Variants in HPS5 observed in about 807,000 individuals in gnomAD.
The protein encoded by HPS5 is HPS5 biogenesis of lysosomal organelles complex 2 subunit 2, also known as BLOC-2 complex member HPS5.
Under a neutral mutation model 128.0 loss-of-function variants are expected in HPS5, and 83 were observed. That is an observed-to-expected ratio of 0.65 (90% CI 0.54 to 0.78). HPS5 has a LOEUF of 0.78. Among genes scored for constraint, HPS5 ranks in the 30% least tolerant of loss-of-function variants. The pLI is 0.00. For synonymous variants in HPS5, 475 were observed against 470.2 expected (o/e 1.01, Z -0.13); for missense variants, 1,281 against 1,326.2 (o/e 0.97, Z 0.53).
intron 2 of HPS5, 114 bp downstream of exon 2, chr11:18,317,637 C>A: frequency 1.0e-6 from 1 of 977,370 alleles, no homozygotes; most frequent in Non-Finnish European, 1.6e-6. Context: ...AAAAGTATGA[C>A]TAGGACAGGT....
At chr11:18,280,535 G>A (rs1858752193) in intron 22 of HPS5, 1 of 697,590 alleles carries the variant, frequency 1.4e-6, no homozygotes, top group Non-Finnish European at 2.6e-6. Flanking sequence ...TCCACTTTCA[G>A]GTATATACCC....
At chr11:18,282,804 G>A (rs1281848481) in intron 21 of HPS5, among the ~76,000 whole-genome samples, 1 of 152,134 alleles carries the variant, frequency 6.6e-6, no homozygotes, top group Non-Finnish European at 1.5e-5. Context: ...TGGAAGATCT[G>A]AGAAGGGCTC....
intron 8 of HPS5, among the ~76,000 whole-genome samples, chr11:18,304,217 T>C (rs1862077956): frequency 7.1e-6 from 1 of 140,716 alleles, no homozygotes. Context: ...TATAATTCAC[T>C]TTTTTTTTTT....
rs546910287 is a variant in HPS5 at position 18,311,858 on chromosome 11, T to C, written c.219+56A>G. ...AAATGATTATTTATATTGGAGAAAT[T>C]TGCATTTATGAAAGAGACTCCAAAT... On this transcript the variant is annotated intron_variant, in intron 3 of 22. Coordinates refer to ENST00000349215, the MANE Select transcript of HPS5 (RefSeq NM_181507.2). 357 of 1,132,088 alleles carry C rather than the reference T, an allele frequency of 3.2e-4. 2 individuals carry two copies. The South Asian group carries it at 4.1e-3, about 13-fold the overall frequency. The allele number at this position is 1,132,088 out of a possible 1,614,324, so 70.1% of individuals were successfully genotyped here. A position where few individuals can be genotyped will look rare whatever the true frequency, so the allele number is the denominator to read the frequency against.
intron 21 of HPS5, 52 bp downstream of exon 21, chr11:18,283,743 G>C: frequency 7.6e-7 from 1 of 1,310,254 alleles, no homozygotes; most frequent in East Asian, 2.3e-5. Context: ...GAGAGGTCTG[G>C]AGTAACTTCT....
chr11:18,293,108 G>A lies in HPS5; in HGVS notation c.1785-132C>T, dbSNP rs571952580. On this transcript the variant is annotated intron_variant, in intron 14 of 22. Coordinates refer to ENST00000349215, the MANE Select transcript of HPS5 (RefSeq NM_181507.2). The stretch of plus-strand genomic sequence containing the variant: ...GTGATCTCGGTTCATTGCAACCTCC[G>A]CCTCCCGGGTTCAAGCAATTCTCCC... 345 of 734,912 alleles carry A rather than the reference G, an allele frequency of 4.7e-4. 2 individuals are homozygous for A. The African/African-American group carries it at 5.2e-3, about 11-fold the overall frequency. 45.5% of individuals were successfully genotyped at this position (734,912 alleles called of 1,614,324 possible). A position where few individuals can be genotyped will look rare whatever the true frequency, so the allele number is the denominator to read the frequency against.
At position 18,287,901 on chromosome 11, in the gene HPS5, A is replaced by G. The variant is rs780674219; in HGVS notation, c.2553T>C (p.Tyr851=). Residue 851 remains tyrosine (Y), a synonymous_variant, in exon 17 of 23, where the codon TAT becomes TAC. Coordinates refer to ENST00000349215, the MANE Select transcript of HPS5 (RefSeq NM_181507.2). ...VPFDSPLLVV[Y]ATRLYEKFGE... ...TATACAGGACAACTTACCGGGTAGC[A>G]TAAACAACCAACAACGGACTATCAA... 9 of 1,614,140 alleles carry G rather than the reference A, an allele frequency of 5.6e-6. No individual in the cohort carries two copies. Among genetic ancestry groups the G allele is most frequent in the Non-Finnish European group, 7.6e-6 (9 of 1,180,014 alleles).
rs190489882 is a variant in HPS5 at position 18,305,511 on chromosome 11, C to A, written c.825-18G>T. 160 of 1,534,512 alleles carry A rather than the reference C, an allele frequency of 1.0e-4. 2 individuals are homozygous for A. Among genetic ancestry groups the A allele is most frequent in the South Asian group, 1.0e-3 (89 of 89,268 alleles). On this transcript the variant is annotated intron_variant, in intron 7 of 22. Coordinates refer to ENST00000349215, the MANE Select transcript of HPS5 (RefSeq NM_181507.2). ...GTTCTGATCTAGAAAGTAAACACAT[C>A]TGTTAATGAGTTTATCTGTTAAAAG...
At chr11:18,283,652 A>C in intron 21 of HPS5, 143 bp downstream of exon 21, 1 of 673,274 alleles carries the variant, frequency 1.5e-6, no homozygotes, top group Non-Finnish European at 2.6e-6. Flanking sequence ...AAACAAAAAC[A>C]AAAACTCCAC....
chr11:18,306,287 A>G lies in HPS5; in HGVS notation c.672T>C (p.Phe224=). 6.2e-7 allele frequency: 1 copy of G among 1,614,192 alleles called. No homozygotes were observed. ...ERDGEYGACF[F]PGRCSGGQQP... ...GCTGGCCCCCAGAACATCTTCCAGG[A>G]AAGAAACAAGCTCCATATTCTCCAT... The change falls in exon 7 of 23, where the codon TTT becomes TTC. Residue 224 remains phenylalanine, a synonymous_variant. Transcript: ENST00000349215.
At chr11:18,297,385 A>G (rs1355420989) in intron 11 of HPS5, among the ~76,000 whole-genome samples, 174 bp downstream of exon 11, 1 of 152,230 alleles carries the variant, frequency 6.6e-6, no homozygotes, top group African/African-American at 2.4e-5. Context: ...TCCAAGACAC[A>G]CCTAAATGGA....
chr11:18,280,607 T>A (rs1441901495), intron 22 of HPS5: 9 of 698,132 alleles, frequency 1.3e-5, no homozygotes, highest in Non-Finnish European at 2.1e-5. Context: ...AGCAGCGTTA[T>A]TCACAATAGC....
At chr11:18,296,769 C>T (rs768161462) in intron 12 of HPS5, 29 bp downstream of exon 12, 1 of 1,606,836 alleles carries the variant, frequency 6.2e-7, no homozygotes, top group Non-Finnish European at 8.5e-7. Context: ...GGCTTCACAT[C>T]AGGAACCAAC....
chr11:18,289,670 C>A (rs907562963), intron 16 of HPS5, among the ~76,000 whole-genome samples: 1 of 152,080 alleles, frequency 6.6e-6, no homozygotes, highest in African/African-American at 2.4e-5. Context: ...GCTAAAATAT[C>A]TTTAAGTAAG....
chr11:18,282,208 T>C lies in HPS5; in HGVS notation c.3071A>G (p.Glu1024Gly), dbSNP rs911262669. The C allele has an allele frequency of 3.7e-6, 6 of 1,614,116 alleles. No homozygotes were observed. The highest frequency in any genetic ancestry group is 4.2e-6 in the Non-Finnish European group (5 of 1,180,030). The part of the protein sequence containing the change: ...LMEGDNGWIP[E>G]TVEEWKLLLH... The stretch of plus-strand genomic sequence containing the variant: ...GAGAAGCTTCCATTCCTCCACGGTC[T>C]CTGGGATCCAACCTAAACACACACA... The change falls in exon 22 of 23, where the codon GAG becomes GGG. Residue 1024 changes from glutamate to glycine, a missense_variant. By Grantham distance (98) the Glu-to-Gly change is moderately conservative (BLOSUM62 -2). Transcript: ENST00000349215.
At position 18,312,005 on chromosome 11, in the gene HPS5, G is replaced by A. The variant is rs750201530; in HGVS notation, c.128C>T (p.Ser43Phe). 1 of 1,613,652 alleles carries A rather than the reference G, an allele frequency of 6.2e-7. No homozygotes were observed. The highest frequency in any genetic ancestry group is 8.5e-7 in the Non-Finnish European group (1 of 1,179,674). The change falls in exon 3 of 23, where the codon TCT (serine) becomes TTT (phenylalanine). Residue 43 changes from serine to phenylalanine, a missense_variant. Physicochemically the swap from Ser to Phe is radical, Grantham distance 155. Coordinates refer to ENST00000349215, the MANE Select transcript of HPS5 (RefSeq NM_181507.2). ...ACTGCCCAAAGCCAACCATTTCCGA[G>A]ACACAGCTATGCTCGTGCACTAAAA... The part of the protein sequence containing the change: ...SRLKCTSIAV[S>F]RKWLALGSSG...
In HPS5 at chr11:18,291,541, ACTT is replaced by A; in HGVS notation, c.2338_2340del (p.Lys780del). On this transcript the variant is annotated inframe_deletion, in exon 16 of 23. Coordinates refer to ENST00000349215, the MANE Select transcript of HPS5 (RefSeq NM_181507.2). ...CTTTTCAAGTTCAGGAGAAAAAAGT[ACTT>A]CTTCAGGAACTGGCAAGCCAGAATT... 1.2e-6 allele frequency: 2 copies of A among 1,611,288 alleles called. No homozygotes were observed. The highest frequency in any genetic ancestry group is 8.5e-7 in the Non-Finnish European group (1 of 1,178,096).
At chr11:18,306,106 C>A (rs184110642) in intron 7 of HPS5, 29 bp downstream of exon 7, 10 of 1,465,282 alleles carry the variant, frequency 6.8e-6, no homozygotes, top group African/African-American at 1.4e-5. Context: ...GCTCTTCAAA[C>A]AATCCCAACC....
chr11:18,307,942 G>C (rs1862556939), intron 6 of HPS5, among the ~76,000 whole-genome samples: 1 of 152,124 alleles, frequency 6.6e-6, no homozygotes, highest in Non-Finnish European at 1.5e-5. Context: ...TTATGAAATA[G>C]GTACACAGGT....
Sources: allele counts gnomAD v4.1 joint callset (sites outside exome capture counted in the v4.1 genomes callset), GRCh38; gene constraint gnomAD v4.1.1; transcripts MANE v1.5; gene names NCBI Gene and HGNC (gene_info 2026-07-23, HGNC 2026-07-21).